Variants in CACNA2D3 observed in about 807,000 individuals in gnomAD.
CACNA2D3 encodes calcium voltage-gated channel auxiliary subunit alpha2delta 3.
CACNA2D3 carries 60 observed loss-of-function variants against 160.6 expected under a neutral mutation model. The ratio of observed to expected loss-of-function variants is 0.37; its 90% confidence interval spans 0.30 to 0.46. The LOEUF (loss-of-function observed/expected upper bound fraction) is 0.46, where lower values mean the gene tolerates loss of function less well. Among genes scored for constraint, CACNA2D3 ranks in the 20% least tolerant of loss-of-function variants. The pLI is 1.00. For synonymous variants in CACNA2D3, 558 were observed against 492.9 expected (o/e 1.13, Z -1.75); for missense variants, 1,205 against 1,365.0 (o/e 0.88, Z 1.85).
intron 13 of CACNA2D3, among the ~76,000 whole-genome samples, chr3:54,771,507 T>G (rs1481128086): frequency 6.6e-6 from 1 of 152,166 alleles, no homozygotes; most frequent in African/African-American, 2.4e-5. Flanking sequence ...TCTTTGCCCG[T>G]ATAGGACTGA....
intron 16 of CACNA2D3, among the ~76,000 whole-genome samples, chr3:54,841,315 C>T (rs1472841991): frequency 6.6e-6 from 1 of 152,170 alleles, no homozygotes; most frequent in Non-Finnish European, 1.5e-5. Flanking sequence ...GGAAACGAAG[C>T]ATAACAAGGG....
intron 13 of CACNA2D3, among the ~76,000 whole-genome samples, chr3:54,792,152 C>A (rs1211525123): frequency 6.6e-6 from 1 of 152,192 alleles, no homozygotes; most frequent in Non-Finnish European, 1.5e-5. Context: ...TTTCCCAGAA[C>A]ATGGCAGGTG....
intron 11 of CACNA2D3, among the ~76,000 whole-genome samples, chr3:54,658,687 A>C (rs1699916203): frequency 6.6e-6 from 1 of 152,224 alleles, no homozygotes; most frequent in Non-Finnish European, 1.5e-5. Context: ...TCTGCACAGC[A>C]ACGGATACAA....
At chr3:54,945,947 C>G (rs901779031) in intron 27 of CACNA2D3, among the ~76,000 whole-genome samples, 8 of 152,224 alleles carry the variant, frequency 5.3e-5, no homozygotes, top group Non-Finnish European at 1.0e-4. Flanking sequence ...TGACCTCTAT[C>G]CCGGCTCCTG....
intron 4 of CACNA2D3, among the ~76,000 whole-genome samples, chr3:54,387,181 G>A (rs1699202551): frequency 6.6e-6 from 1 of 152,168 alleles, no homozygotes; most frequent in Non-Finnish European, 1.5e-5. Flanking sequence ...TGAATTGATT[G>A]TTAATAACAT....
chr3:54,591,481 T>C (rs555801845), intron 9 of CACNA2D3, among the ~76,000 whole-genome samples: 12 of 152,112 alleles, frequency 7.9e-5, no homozygotes, highest in African/African-American at 2.9e-4. Flanking sequence ...TGCCAGTGCC[T>C]ATGAGATAGA....
intron 9 of CACNA2D3, among the ~76,000 whole-genome samples, chr3:54,590,456 A>G (rs1282253013): frequency 6.6e-6 from 1 of 152,132 alleles, no homozygotes; most frequent in Admixed American, 6.6e-5. Context: ...TGTGATTATA[A>G]AAGGGTAACA....
intron 6 of CACNA2D3, among the ~76,000 whole-genome samples, chr3:54,565,268 C>T (rs1305798332): frequency 2.6e-5 from 4 of 152,178 alleles, no homozygotes; most frequent in Non-Finnish European, 5.9e-5. Context: ...GACAGGCAAA[C>T]ATCATCATGG....
At chr3:54,258,651 C>G (rs1438487600) in intron 2 of CACNA2D3, among the ~76,000 whole-genome samples, 5 of 152,156 alleles carry the variant, frequency 3.3e-5, no homozygotes, top group African/African-American at 9.7e-5. Flanking sequence ...AGATTTGATG[C>G]TATCAGCATT....
intron 9 of CACNA2D3, among the ~76,000 whole-genome samples, chr3:54,611,739 T>C (rs1016678870): frequency 6.6e-6 from 1 of 152,108 alleles, no homozygotes; most frequent in South Asian, 2.1e-4. Context: ...ATCTTTAATA[T>C]GTGATACCAC....
chr3:54,706,334 G>T (rs142160075), intron 11 of CACNA2D3, among the ~76,000 whole-genome samples: 2 of 152,174 alleles, frequency 1.3e-5, no homozygotes, highest in Non-Finnish European at 2.9e-5. Context: ...TCCCAAAGTC[G>T]TGGCAGTTCT....
intron 18 of CACNA2D3, chr3:54,878,780 T>A: frequency 2.8e-6 from 1 of 354,106 alleles, no homozygotes; most frequent in South Asian, 1.0e-4. Context: ...GCCAAGGCTC[T>A]TTTGTTATTG....
chr3:55,033,889 G>GTAATATATATTACATATTAAA (rs1559469685), intron 35 of CACNA2D3, among the ~76,000 whole-genome samples: 2 of 91,156 alleles, frequency 2.2e-5, no homozygotes, highest in South Asian at 3.3e-4. Flanking sequence ...TACATATTAA[G>GTAATATATATTACATATTAAA]TATATTTAAT....
At chr3:54,400,377 T>C (rs1699432698) in intron 4 of CACNA2D3, among the ~76,000 whole-genome samples, 1 of 151,950 alleles carries the variant, frequency 6.6e-6, no homozygotes, top group Non-Finnish European at 1.5e-5. Context: ...CATGAAACCC[T>C]GAGCCCACGA....
At chr3:54,724,622 A>C (rs1701241738) in intron 11 of CACNA2D3, among the ~76,000 whole-genome samples, 2 of 152,146 alleles carry the variant, frequency 1.3e-5, no homozygotes, top group African/African-American at 4.8e-5. Flanking sequence ...AAACTCACTC[A>C]AAACCACACA....
intron 2 of CACNA2D3, among the ~76,000 whole-genome samples, chr3:54,310,283 A>G (rs910051510): frequency 1.6e-4 from 25 of 152,058 alleles, no homozygotes; most frequent in African/African-American, 6.0e-4. Flanking sequence ...AAGGATTTGG[A>G]TGTGTATTTA....
At chr3:54,301,679 G>C (rs1440185819) in intron 2 of CACNA2D3, among the ~76,000 whole-genome samples, 1 of 152,066 alleles carries the variant, frequency 6.6e-6, no homozygotes, top group Non-Finnish European at 1.5e-5. Flanking sequence ...ACTTTTCCTT[G>C]TTCCCAGATT....
At chr3:55,072,616 C>T (rs952089525) in intron 35 of CACNA2D3, among the ~76,000 whole-genome samples, 6 of 152,068 alleles carry the variant, frequency 3.9e-5, no homozygotes, top group African/African-American at 1.4e-4. Flanking sequence ...GGGTTCTAAC[C>T]CTGGAGTTAA....
At chr3:55,034,439 C>T (rs1703769334) in intron 35 of CACNA2D3, among the ~76,000 whole-genome samples, 1 of 151,774 alleles carries the variant, frequency 6.6e-6, no homozygotes, top group Admixed American at 6.6e-5. Context: ...CTAGACATTT[C>T]TATTGAGTTT....
Sources: allele counts gnomAD v4.1 joint callset (sites outside exome capture counted in the v4.1 genomes callset), GRCh38; gene constraint gnomAD v4.1.1; transcripts MANE v1.5; gene names NCBI Gene and HGNC (gene_info 2026-07-23, HGNC 2026-07-21).